ITGA3: variants seen among roughly 807,000 people sequenced by gnomAD.
The protein encoded by ITGA3 is integrin alpha-3.
A neutral mutation model predicts 131.1 loss-of-function variants in ITGA3; 70 were observed. The observed-to-expected ratio is 0.53, with a 90% CI of 0.44 to 0.65. ITGA3 has a LOEUF of 0.65. ITGA3 is among the 30% of genes least tolerant of loss of function. The pLI is 0.00. For missense variants in ITGA3, 1,098 were observed against 1,388.6 expected, an observed-to-expected ratio of 0.79 and a Z score of 3.33; for synonymous variants, 537 against 571.6, an observed-to-expected ratio of 0.94 and a Z score of 0.86.
rs1037907367 is a variant in ITGA3, at chr17:50,075,442, G to A, written c.1470-17G>A. 1 of 1,614,056 alleles carries A rather than the reference G, an allele frequency of 6.2e-7. No homozygotes were observed. The highest frequency in any genetic ancestry group is 8.5e-7 in the Non-Finnish European group (1 of 1,179,910). ...GTGTCCCACTGTGACCCGCCCTCCT[G>A]TACATCCCTCCAACAGTGTGCAAGT... On this transcript the variant is annotated splice_polypyrimidine_tract_variant and intron_variant, in intron 10 of 25. Coordinates refer to ENST00000320031, the MANE Select transcript of ITGA3 (RefSeq NM_002204.4).
At chr17:50,063,186 G>T (rs1567696621) in intron 1 of ITGA3, among the ~76,000 whole-genome samples, 1 of 151,048 alleles carries the variant, frequency 6.6e-6, no homozygotes, top group Non-Finnish European at 1.5e-5. Flanking sequence ...CTTGCTGTCT[G>T]CATCCCCAAA....
intron 1 of ITGA3, among the ~76,000 whole-genome samples, chr17:50,062,051 A>AAG (rs1555553641): frequency 6.6e-6 from 1 of 151,582 alleles, no homozygotes; most frequent in Non-Finnish European, 1.5e-5. Flanking sequence ...AAAAAAAAAA[A>AAG]AAAAAGAAAG....
At chr17:50,070,191 G>C (rs149093431) in intron 4 of ITGA3, among the ~76,000 whole-genome samples, 7 of 152,318 alleles carry the variant, frequency 4.6e-5, no homozygotes, top group African/African-American at 1.4e-4. Flanking sequence ...TCAGTGTCTA[G>C]AGAGTGGGGA....
At chr17:50,062,031 C>A (rs1908105780) in intron 1 of ITGA3, among the ~76,000 whole-genome samples, 1 of 134,760 alleles carries the variant, frequency 7.4e-6, no homozygotes, top group African/African-American at 2.7e-5. Flanking sequence ...CAGAGCAAGA[C>A]CCTGTCTCAA....
intron 25 of ITGA3, 119 bp downstream of exon 25, chr17:50,088,485 A>G: frequency 1.7e-6 from 1 of 588,204 alleles, no homozygotes; most frequent in South Asian, 2.0e-5. Flanking sequence ...CCCCACCACC[A>G]CCCCAAAGAT....
chr17:50,080,461 T>TGG lies in ITGA3; in HGVS notation c.2820+88_2820+89dup, dbSNP rs764103810. ...AGAGGGCGAGTCCAGGGTCATAGCA[T>TGG]GGGTGTGTGTGTGTGTGTGTGTGTG... On this transcript the variant is annotated intron_variant, in intron 22 of 25. Transcript: ENST00000320031. 85,290 of 570,980 alleles carry TGG rather than the reference T, an allele frequency of 0.15. 8,245 individuals are homozygous for TGG. The highest frequency in any genetic ancestry group is 0.29 in the East Asian group (10,018 of 34,012). The allele number at this position is 570,980 out of a possible 1,614,324, so 35.4% of individuals were successfully genotyped here. A position where few individuals can be genotyped will look rare whatever the true frequency, so the allele number is the denominator to read the frequency against.
chr17:50,065,010 C>T (rs188132703), intron 3 of ITGA3: 10 of 166,576 alleles, frequency 6.0e-5, no homozygotes, highest in African/African-American at 1.4e-4. Context: ...CTGCTGACCC[C>T]GGCTCACCCA....
In ITGA3 at chr17:50,071,437, G is replaced by T; in HGVS notation, c.878G>T (p.Arg293Leu). 6.2e-7 allele frequency: 1 copy of T among 1,614,028 alleles called. No homozygotes were observed. The highest frequency in any genetic ancestry group is 8.5e-7 in the Non-Finnish European group (1 of 1,180,048). Reference sequence around the variant, plus strand: ...AGCCAGGAGGCAGGCGGAGACCTGCGGAGGAGGCAGGTGCTGGAGGGCTCG... The same window carrying T: ...AGCCAGGAGGCAGGCGGAGACCTGCTGAGGAGGCAGGTGCTGGAGGGCTCG... The part of the protein sequence containing the change: ...LLSQEAGGDL[R>L]RRQVLEGSQV... The change falls in exon 6 of 26, where the codon CGG becomes CTG. Residue 293 changes from arginine to leucine, a missense_variant. Arg to Leu is a moderately radical substitution (Grantham distance 102). This residue lies in a region of ITGA3 where 356 missense variants were observed against 529.2 expected (regional missense o/e 0.67). Transcript: ENST00000320031.
In ITGA3 at chr17:50,076,378, T is replaced by C; in HGVS notation, c.1727T>C (p.Leu576Ser). Residue 576 changes from leucine (L) to serine (S), a missense_variant, in exon 13 of 26, where the codon TTA becomes TCA. By Grantham distance (145) the Leu-to-Ser change is moderately radical (BLOSUM62 -2). Coordinates refer to ENST00000320031, the MANE Select transcript of ITGA3 (RefSeq NM_002204.4). ...ATCATCATCTCCATGAACTACTCTT[T>C]ACCTTTGCGGATGCCCGATCGCCCC... ...RPIIISMNYS[L>S]PLRMPDRPRL... 6.2e-7 allele frequency: 1 copy of C among 1,613,618 alleles called. No homozygotes were observed. Among genetic ancestry groups the C allele is most frequent in the East Asian group, 2.2e-5 (1 of 44,862 alleles).
At chr17:50,087,910 GCA>G in intron 24 of ITGA3, 41 bp downstream of exon 24, 3 of 1,515,958 alleles carry the variant, frequency 2.0e-6, no homozygotes, top group Non-Finnish European at 2.7e-6. Flanking sequence ...ACCTCCACCA[GCA>G]CACTCACCAG....
Position 50,077,399 on chromosome 17 carries a change from T to C in ITGA3, c.2091T>C (p.Asn697=). ...SVRPPGACQA[N]ETIFCELGNP... Reference sequence around the variant, plus strand: ...CTCAGCCCGGGGCCTGCCAAGCTAATGAGACCATCTTTTGCGAGCTGGGGA... The same window carrying C: ...CTCAGCCCGGGGCCTGCCAAGCTAACGAGACCATCTTTTGCGAGCTGGGGA... The change falls in exon 16 of 26, where the codon AAT becomes AAC. Residue 697 remains asparagine (N), a synonymous_variant. Transcript: ENST00000320031. The C allele has an allele frequency of 6.2e-7, 1 of 1,613,680 alleles. No individual in the cohort carries two copies. Among genetic ancestry groups the C allele is most frequent in the Non-Finnish European group, 8.5e-7 (1 of 1,179,594 alleles).
intron 3 of ITGA3, chr17:50,065,580 G>A (rs1319422822): frequency 1.3e-5 from 2 of 152,274 alleles, no homozygotes; most frequent in African/African-American, 4.8e-5. Context: ...TGCCTTGATA[G>A]TTCCACATGG....
At chr17:50,079,778 A>T (rs1909099843) in intron 21 of ITGA3, among the ~76,000 whole-genome samples, 1 of 152,240 alleles carries the variant, frequency 6.6e-6, no homozygotes, top group Non-Finnish European at 1.5e-5. Context: ...AGGAGGAGGC[A>T]CTGGCTCTGC....
chr17:50,076,186 C>G, intron 12 of ITGA3, 140 bp from the exon 13 acceptor site: 1 of 911,568 alleles, frequency 1.1e-6, no homozygotes, highest in Admixed American at 2.5e-5. Context: ...GGCGACCGGA[C>G]TGGAGGGAGT....
At chr17:50,078,169 C>T (rs1171621626) in intron 17 of ITGA3, 38 bp from the exon 18 acceptor site, 1 of 1,612,812 alleles carries the variant, frequency 6.2e-7, no homozygotes, top group Non-Finnish European at 8.5e-7. Context: ...GCTGAGGTAT[C>T]TTGGATCACC....
Position 50,089,329 on chromosome 17 carries a change from A to T in ITGA3, c.*251A>T. On this transcript the variant is annotated 3_prime_UTR_variant, in exon 26 of 26. Transcript: ENST00000320031. ...CCTTTCTTCCTATTTATCATAAGTT[A>T]TGCCTCTGACAGTCCACAGGGGCCA... 1 of 1,476,022 alleles carries T rather than the reference A, an allele frequency of 6.8e-7. No homozygotes were observed. Among genetic ancestry groups the T allele is most frequent in the African/African-American group, 1.4e-5 (1 of 71,548 alleles). 91.4% of individuals were successfully genotyped at this position (1,476,022 alleles called of 1,614,324 possible). A position where few individuals can be genotyped will look rare whatever the true frequency, so the allele number is the denominator to read the frequency against.
chr17:50,056,651 T>G lies in ITGA3; in HGVS notation c.206+6T>G. ...GAGCGGCAGCAGCGCTACCTGTAAG[T>G]GAAGCTGGAGGGTGTGGGGTGGGAG... is the stretch of plus-strand genomic sequence containing the variant. On this transcript the variant is annotated splice_donor_region_variant and intron_variant, in intron 1 of 25. Transcript: ENST00000320031. The surrounding 1 kb of genome is among the most constrained non-coding windows in gnomAD (Gnocchi z 5.6). The G allele has an allele frequency of 6.3e-7, 1 of 1,596,626 alleles. No individual in the cohort carries two copies. The highest frequency in any genetic ancestry group is 8.5e-7 in the Non-Finnish European group (1 of 1,173,202).
At chr17:50,088,932 T>C (rs1200618197) in intron 25 of ITGA3, among the ~76,000 whole-genome samples, 178 bp from the exon 26 acceptor site, 1 of 152,070 alleles carries the variant, frequency 6.6e-6, no homozygotes, top group Admixed American at 6.6e-5. Context: ...CTTCTTCCTC[T>C]GGGGCCTGGG....
intron 1 of ITGA3, among the ~76,000 whole-genome samples, chr17:50,062,007 T>G (rs1051990411): frequency 6.7e-5 from 9 of 134,096 alleles, no homozygotes; most frequent in Non-Finnish European, 1.2e-4. Flanking sequence ...GCCACTGCAC[T>G]CCAGCCTGGG....
Sources: allele counts gnomAD v4.1 joint callset (sites outside exome capture counted in the v4.1 genomes callset), GRCh38; gene constraint gnomAD v4.1.1; regional missense constraint gnomAD v4.1.1; non-coding constraint Gnocchi (gnomAD v3.1); transcripts MANE v1.5; gene names NCBI Gene and HGNC (gene_info 2026-07-23, HGNC 2026-07-21).